The following LRRTM4 variants were observed in gnomAD, a reference collection of about 807,000 sequenced individuals.
LRRTM4 encodes leucine rich repeat transmembrane neuronal 4, also known as leucine-rich repeat transmembrane neuronal protein 4.
In LRRTM4, 25 loss-of-function variants were observed where a neutral mutation model predicts 47.6. The observed-to-expected ratio is 0.53, with a 90% CI of 0.38 to 0.73. The LOEUF is 0.73. LRRTM4 is among the 30% of genes least tolerant of loss of function. The pLI is 0.00. For synonymous variants in LRRTM4, 311 were observed against 269.5 expected (o/e 1.15, Z -1.51); for missense variants, 638 against 713.4 (o/e 0.89, Z 1.20).
intron 3 of LRRTM4, among the ~76,000 whole-genome samples, chr2:77,070,401 ACTCT>A (rs201378884): frequency 0.017 from 2,551 of 152,100 alleles, 35 homozygotes; most frequent in Middle Eastern, 0.041. Flanking sequence ...CATGGATGTC[ACTCT>A]CTCTATATAT....
intron 3 of LRRTM4, among the ~76,000 whole-genome samples, chr2:76,823,124 G>A (rs1671098278): frequency 6.6e-6 from 1 of 151,170 alleles, no homozygotes; most frequent in Non-Finnish European, 1.5e-5. Context: ...ACATTGAACA[G>A]AAAGAAAAGA....
chr2:76,873,674 CAT>C (rs1490243383), intron 3 of LRRTM4, among the ~76,000 whole-genome samples: 1 of 151,348 alleles, frequency 6.6e-6, no homozygotes, highest in Non-Finnish European at 1.5e-5. Flanking sequence ...GTGACCCTGA[CAT>C]GTGTGAGATG....
chr2:77,307,623 TAGAA>T (rs1266215440), intron 3 of LRRTM4, among the ~76,000 whole-genome samples: 3 of 77,912 alleles, frequency 3.9e-5, no homozygotes, highest in African/African-American at 7.2e-5. Flanking sequence ...CTATATATTA[TAGAA>T]ATATAAATAT....
chr2:76,823,884 T>C lies in LRRTM4; in HGVS notation c.1552-74968A>G, dbSNP rs773594178. Among the ~76,000 whole-genome samples the C allele has an allele frequency of 2.6e-5, 4 of 151,558 alleles. No individual in the cohort carries two copies. The East Asian group carries it at 7.8e-4, about 29-fold the overall frequency. ...TAAAAATAAAACATAAGAACATGCA[T>C]GTATTACTTTCTATAATACATGATG... On this transcript the variant is annotated intron_variant, in intron 3 of 3. Coordinates refer to ENST00000409884, the MANE Select transcript of LRRTM4 (RefSeq NM_001134745.3).
intron 3 of LRRTM4, among the ~76,000 whole-genome samples, chr2:76,958,005 GTTA>G (rs1042699697): frequency 9.9e-5 from 15 of 151,352 alleles, no homozygotes; most frequent in African/African-American, 3.6e-4. Flanking sequence ...TCCAATTTTA[GTTA>G]TTATCAGCTG....
chr2:77,076,899 C>T (rs540492913), intron 3 of LRRTM4, among the ~76,000 whole-genome samples: 1 of 152,208 alleles, frequency 6.6e-6, no homozygotes, highest in Non-Finnish European at 1.5e-5. Context: ...ATCAGTCATC[C>T]CTTTGTTAAG....
At chr2:76,857,119 C>T (rs1672176168) in intron 3 of LRRTM4, among the ~76,000 whole-genome samples, 1 of 151,612 alleles carries the variant, frequency 6.6e-6, no homozygotes, top group African/African-American at 2.4e-5. Flanking sequence ...ACCCTTGAGA[C>T]AGCAATACCA....
At position 76,842,140 on chromosome 2, in the gene LRRTM4, C is replaced by T. The variant is rs1040273725; in HGVS notation, c.1552-93224G>A. On this transcript the variant is annotated intron_variant, in intron 3 of 3. Transcript: ENST00000409884. ...TTATGGGTGGGCAACATCAAATCAG[C>T]CGAGGGCCTGAAGAGAACAAAAGGT... 1.2e-4 allele frequency among the ~76,000 whole-genome samples: 19 copies of T among 152,252 alleles called. No individual in the cohort carries two copies. In the South Asian group the frequency reaches 2.7e-3, roughly 22 times the overall value.
intron 3 of LRRTM4, among the ~76,000 whole-genome samples, chr2:77,187,937 G>A (rs1673556338): frequency 1.3e-5 from 2 of 151,970 alleles, no homozygotes; most frequent in African/African-American, 4.8e-5. Flanking sequence ...AAACACAACT[G>A]TTACAAATAC....
intron 3 of LRRTM4, among the ~76,000 whole-genome samples, chr2:76,764,773 C>G (rs533055912): frequency 6.6e-6 from 1 of 152,288 alleles, no homozygotes; most frequent in South Asian, 2.1e-4. Context: ...ATAGAGCTAT[C>G]CAGCTGCCAA....
chr2:77,094,041 G>C (rs1670738274), intron 3 of LRRTM4, among the ~76,000 whole-genome samples: 1 of 151,950 alleles, frequency 6.6e-6, no homozygotes, highest in Admixed American at 6.6e-5. Flanking sequence ...GTTTCTGTTT[G>C]CTGATGACAA....
rs951943108 is a variant in LRRTM4, at chr2:76,998,317, C to A, written c.1552-249401G>T. ...CCTACATAAGTTTAGAGGGTTACAT[C>A]ACCAGTCTAACTAGAGAGCTGAGGG... On this transcript the variant is annotated intron_variant, in intron 3 of 3. Transcript: ENST00000409884. Among the ~76,000 whole-genome samples the A allele has an allele frequency of 4.0e-5, 6 of 151,792 alleles. No homozygotes were observed. The South Asian group carries it at 1.2e-3, about 31-fold the overall frequency.
In LRRTM4 at chr2:77,362,146, A is replaced by AAAGAAAGAAAGAAAGAAAGG. The variant is rs1672253466; in HGVS notation, c.1551+156171_1551+156172insCCTTTCTTTCTTTCTTTCTT. ...GAAAGAAAGAAAGAAAGAAAGAAAG[A>AAAGAAAGAAAGAAAGAAAGG]AAGAAAGAAAGAAAGAAAGAAAGAA... On this transcript the variant is annotated intron_variant, in intron 3 of 3. Coordinates refer to ENST00000409884, the MANE Select transcript of LRRTM4 (RefSeq NM_001134745.3). Among the ~76,000 whole-genome samples, 8 of 137,402 alleles carry AAAGAAAGAAAGAAAGAAAGG rather than the reference A, an allele frequency of 5.8e-5. No homozygotes were observed. The East Asian group carries it at 6.0e-4, about 10-fold the overall frequency. The allele number at this position is 137,402 out of a possible 152,430, so 90.1% of individuals were successfully genotyped here.
chr2:77,453,189 T>C (rs941757930), intron 3 of LRRTM4, among the ~76,000 whole-genome samples: 114 of 145,334 alleles, frequency 7.8e-4, no homozygotes, highest in African/African-American at 2.8e-3. Context: ...TTTTTTTTTT[T>C]TTTTTTTTTT....
At chr2:77,375,902 C>T (rs1672822414) in intron 3 of LRRTM4, among the ~76,000 whole-genome samples, 1 of 151,732 alleles carries the variant, frequency 6.6e-6, no homozygotes, top group Non-Finnish European at 1.5e-5. Context: ...AAACTTCATA[C>T]CCATTGAATA....
At chr2:76,792,060 C>G (rs1447922950) in intron 3 of LRRTM4, among the ~76,000 whole-genome samples, 1 of 152,018 alleles carries the variant, frequency 6.6e-6, no homozygotes, top group South Asian at 2.1e-4. Flanking sequence ...TCTAAGCATG[C>G]AAACCTGGAG....
At chr2:77,495,179 T>C (rs1678313661) in intron 3 of LRRTM4, among the ~76,000 whole-genome samples, 2 of 146,184 alleles carry the variant, frequency 1.4e-5, no homozygotes, top group African/African-American at 4.9e-5. Context: ...AAGGGCTAAG[T>C]ACCTGGTTAG....
chr2:77,498,820 G>A (rs1411587373), intron 3 of LRRTM4, among the ~76,000 whole-genome samples: 1 of 151,804 alleles, frequency 6.6e-6, no homozygotes, highest in Non-Finnish European at 1.5e-5. Context: ...GGCTCAACAT[G>A]GGAAGTATAT....
At chr2:77,372,231 C>T (rs1423949107) in intron 3 of LRRTM4, among the ~76,000 whole-genome samples, 1 of 151,698 alleles carries the variant, frequency 6.6e-6, no homozygotes, top group African/African-American at 2.4e-5. Flanking sequence ...CTCTACCTTC[C>T]AAGGCATTTT....
Sources: gnomAD v4.1 joint callset for allele counts (sites outside exome capture counted in the v4.1 genomes callset) on GRCh38, gnomAD v4.1.1 for gene constraint, MANE v1.5 for transcripts, NCBI Gene and HGNC (gene_info 2026-07-23, HGNC 2026-07-21) for gene names.